The following GLI3 variants were observed in gnomAD, a reference collection of about 807,000 sequenced individuals.
GLI3 encodes the protein GLI family zinc finger 3.
GLI3 carries 20 observed loss-of-function variants against 100.8 expected under a neutral mutation model. That is an observed-to-expected ratio of 0.20 (90% CI 0.14 to 0.29). The LOEUF is 0.29. GLI3 is among the 10% of genes least tolerant of loss of function. GLI3 has a pLI of 1.00. For synonymous variants in GLI3, 938 were observed against 860.5 expected (o/e 1.09, Z -1.58); for missense variants, 2,040 against 2,128.5 (o/e 0.96, Z 0.82).
At chr7:42,118,201 A>G in intron 3 of GLI3, 1 of 397,244 alleles carries the variant, frequency 2.5e-6, no homozygotes, top group Non-Finnish European at 4.4e-6. Context: ...TCACCTTTCC[A>G]TTATTTTTTA....
intron 2 of GLI3, among the ~76,000 whole-genome samples, chr7:42,183,139 G>A (rs572707658): frequency 5.9e-5 from 9 of 152,160 alleles, no homozygotes; most frequent in East Asian, 5.8e-4. Flanking sequence ...CATGAGAATC[G>A]CTTGAACCCA....
At chr7:42,200,399 C>T (rs938873002) in intron 2 of GLI3, among the ~76,000 whole-genome samples, 3 of 152,190 alleles carry the variant, frequency 2.0e-5, no homozygotes, top group African/African-American at 4.8e-5. Context: ...GACTTTGAGG[C>T]CTTATCCTTC....
chr7:42,184,207 A>G (rs1188429949), intron 2 of GLI3, among the ~76,000 whole-genome samples: 2 of 152,186 alleles, frequency 1.3e-5, no homozygotes, highest in East Asian at 1.9e-4. Context: ...TTCCTGCCTC[A>G]GCCTCATCTC....
intron 10 of GLI3, among the ~76,000 whole-genome samples, chr7:41,988,697 T>C (rs1335403577): frequency 6.6e-6 from 1 of 152,198 alleles, no homozygotes; most frequent in Admixed American, 6.5e-5. Flanking sequence ...AGAAATCAAC[T>C]TCTCTTATTT....
chr7:42,113,876 G>A (rs1286325883), intron 3 of GLI3, among the ~76,000 whole-genome samples: 1 of 152,180 alleles, frequency 6.6e-6, no homozygotes, highest in African/African-American at 2.4e-5. Context: ...TTGGCTCCCA[G>A]GAGGAGGGGG....
At chr7:42,239,246 A>G (rs1034781134), upstream of GLI3, among the ~76,000 whole-genome samples, 7 of 152,206 alleles carry the variant, frequency 4.6e-5, no homozygotes, top group African/African-American at 1.4e-4. Context: ...CTCCGCGCTC[A>G]CTAACTGGCC....
intron 10 of GLI3, among the ~76,000 whole-genome samples, chr7:42,009,642 T>C (rs557957967): frequency 6.2e-4 from 94 of 152,304 alleles, no homozygotes; most frequent in African/African-American, 2.2e-3. Flanking sequence ...GCATGCTTCC[T>C]TTTCCTGCTG....
intron 10 of GLI3, among the ~76,000 whole-genome samples, chr7:41,990,241 A>G (rs1787945745): frequency 6.6e-6 from 1 of 152,210 alleles, no homozygotes; most frequent in Non-Finnish European, 1.5e-5. Flanking sequence ...TGGAAAATCA[A>G]GCTACTAGGA....
At chr7:41,975,201 G>C (rs1391350758) in intron 12 of GLI3, among the ~76,000 whole-genome samples, 1 of 152,212 alleles carries the variant, frequency 6.6e-6, no homozygotes, top group Non-Finnish European at 1.5e-5. Flanking sequence ...GAGGAACAGA[G>C]AAGTGCCAGC....
chr7:42,217,173 G>A (rs1788394757), intron 2 of GLI3, among the ~76,000 whole-genome samples: 1 of 152,190 alleles, frequency 6.6e-6, no homozygotes, highest in Non-Finnish European at 1.5e-5. Flanking sequence ...TTGGCCTGAA[G>A]AGACACACGA....
Position 41,964,325 on chromosome 7 carries a change from A to G in GLI3, c.*5T>C. ...CCGTTGGTTGCAGTCTTTTTTTCCT[A>G]AAGCCTATTGCATAACTGCAAGGAA... On this transcript the variant is annotated 3_prime_UTR_variant, in exon 15 of 15. Coordinates refer to ENST00000395925, the MANE Select transcript of GLI3 (RefSeq NM_000168.6). The G allele has an allele frequency of 6.2e-7, 1 of 1,613,186 alleles. No homozygotes were observed.
intron 2 of GLI3, among the ~76,000 whole-genome samples, chr7:42,189,607 T>C (rs1787785764): frequency 6.6e-6 from 1 of 152,166 alleles, no homozygotes; most frequent in Non-Finnish European, 1.5e-5. Flanking sequence ...TCTTCAAGCA[T>C]GTAAAAGATT....
intron 2 of GLI3, among the ~76,000 whole-genome samples, chr7:42,185,689 T>C: frequency 6.6e-6 from 1 of 152,208 alleles, no homozygotes; most frequent in East Asian, 1.9e-4. Context: ...TATATGTGCA[T>C]TGTCTTCTTG....
chr7:42,089,952 C>G (rs997257598), intron 3 of GLI3, among the ~76,000 whole-genome samples: 1 of 152,116 alleles, frequency 6.6e-6, no homozygotes, highest in African/African-American at 2.4e-5. Flanking sequence ...TTACACACAC[C>G]TAGATGGTGG....
At chr7:42,106,228 C>G (rs1785571902) in intron 3 of GLI3, among the ~76,000 whole-genome samples, 1 of 152,216 alleles carries the variant, frequency 6.6e-6, no homozygotes, top group African/African-American at 2.4e-5. Context: ...CTGTAAATGT[C>G]TGATATCTGC....
In GLI3 at chr7:41,965,943, G is replaced by C. The variant is rs1787159318; in HGVS notation, c.3130C>G (p.Leu1044Val). The C allele has an allele frequency of 6.2e-7, 1 of 1,612,400 alleles. No homozygotes were observed. The highest frequency in any genetic ancestry group is 8.5e-7 in the Non-Finnish European group (1 of 1,179,860). The change falls in exon 15 of 15, where the codon CTC (leucine) becomes GTC (valine). Residue 1044 changes from leucine (L) to valine (V), a missense_variant. This residue lies in a region of GLI3 where 1,041 missense variants were observed against 924.0 expected (regional missense o/e 1.13). Coordinates refer to ENST00000395925, the MANE Select transcript of GLI3 (RefSeq NM_000168.6). Reference protein sequence around the residue: ...AMATSAEKRSLVLQNYTRPEG... With the variant: ...AMATSAEKRSVVLQNYTRPEG... ...GGCCGCGTGTAATTCTGAAGCACGA[G>C]ACTGCGCTTCTCCGCGGACGTGGCC...
At chr7:42,093,305 G>A (rs1345621471) in intron 3 of GLI3, among the ~76,000 whole-genome samples, 2 of 151,480 alleles carry the variant, frequency 1.3e-5, no homozygotes, top group East Asian at 2.0e-4. Context: ...CTTGAACCCG[G>A]GAGGCGGCGG....
chr7:42,050,178 T>TA (rs530926711), intron 4 of GLI3, among the ~76,000 whole-genome samples: 32 of 148,576 alleles, frequency 2.2e-4, no homozygotes, highest in East Asian at 3.9e-4. Context: ...CATTTTGAAC[T>TA]AAAAAAAAAA....
rs192024705 is a variant in GLI3, at chr7:42,066,065, G to A, written c.473+10687C>T. On this transcript the variant is annotated intron_variant, in intron 4 of 14. Transcript: ENST00000395925. ...ATCAAATGGACTGGAAGAATTAGGAGACTTGTGGCTCGGAGGAATGTAATT... is the reference window on the plus strand; with the variant it reads ...ATCAAATGGACTGGAAGAATTAGGAAACTTGTGGCTCGGAGGAATGTAATT... Among the ~76,000 whole-genome samples the A allele has an allele frequency of 2.5e-3, 379 of 152,326 alleles. 7 individuals are homozygous for A. The highest frequency in any genetic ancestry group is 0.02 in the Middle Eastern group (6 of 294).
Sources: allele counts gnomAD v4.1 joint callset (sites outside exome capture counted in the v4.1 genomes callset), GRCh38; gene constraint gnomAD v4.1.1; regional missense constraint gnomAD v4.1.1; transcripts MANE v1.5; gene names NCBI Gene and HGNC (gene_info 2026-07-23, HGNC 2026-07-21).